Variants in IFT80 observed in about 807,000 individuals in gnomAD.
IFT80 encodes intraflagellar transport 80, also known as intraflagellar transport protein 80 homolog.
IFT80 carries 79 observed loss-of-function variants against 107.9 expected under a neutral mutation model. That is an observed-to-expected ratio of 0.73 (90% CI 0.61 to 0.88). IFT80 has a LOEUF of 0.88. Among genes scored for constraint, IFT80 ranks in the 40% least tolerant of loss-of-function variants. The pLI is 0.00. For missense variants in IFT80, 797 were observed against 914.2 expected (o/e 0.87, Z 1.65); for synonymous variants, 299 against 300.9 (o/e 0.99, Z 0.07).
intron 9 of IFT80, among the ~76,000 whole-genome samples, chr3:160,309,994 C>T (rs1053779239): frequency 2.6e-5 from 4 of 151,896 alleles, no homozygotes; most frequent in East Asian, 3.9e-4. Context: ...GTATTTTCAT[C>T]GGTCAAAAAC....
Position 160,291,376 on chromosome 3 carries a change from T to C in IFT80, c.1316-5508A>G, listed in dbSNP as rs537216108. On this transcript the variant is annotated intron_variant, in intron 12 of 19. Transcript: ENST00000326448. ...TCATAATAAAATGAAATGTATTGAG[T>C]AGGAACACATTACTGGGAAATGCAA... is the stretch of plus-strand genomic sequence containing the variant. 1.2e-4 allele frequency among the ~76,000 whole-genome samples: 18 copies of C among 152,236 alleles called. No individual in the cohort carries two copies. The South Asian group carries it at 3.5e-3, about 30-fold the overall frequency.
chr3:160,286,580 A>G (rs561800713), intron 12 of IFT80, among the ~76,000 whole-genome samples: 2 of 152,142 alleles, frequency 1.3e-5, no homozygotes, highest in African/African-American at 4.8e-5. Context: ...GAGTTTAGTT[A>G]AGGAAAACTC....
chr3:160,360,939 A>T (rs1295586876), intron 6 of IFT80, among the ~76,000 whole-genome samples: 1 of 152,200 alleles, frequency 6.6e-6, no homozygotes, highest in Admixed American at 6.5e-5. Flanking sequence ...GCTAGGAAGC[A>T]TCTATGGGCA....
Position 160,261,373 on chromosome 3 carries a change from AAGAT to A in IFT80, c.2224-2742_2224-2739del, listed in dbSNP as rs535461228. Among the ~76,000 whole-genome samples the A allele has an allele frequency of 4.1e-4, 62 of 151,776 alleles. 1 individual carries two copies. The South Asian group carries it at 7.1e-3, about 17-fold the overall frequency. On this transcript the variant is annotated intron_variant, in intron 19 of 19. Transcript: ENST00000326448. The stretch of plus-strand genomic sequence containing the variant: ...GTACAAGGATTCACCAGTGAACAAA[AAGAT>A]AGAAATCACTGTCTTCATAGAGAGA...
intron 9 of IFT80, among the ~76,000 whole-genome samples, chr3:160,317,633 G>A (rs1185858945): frequency 6.6e-6 from 1 of 151,984 alleles, no homozygotes; most frequent in African/African-American, 2.4e-5. Flanking sequence ...TTAGATCCCA[G>A]GTTAATTAGA....
intron 5 of IFT80, among the ~76,000 whole-genome samples, chr3:160,367,929 A>C (rs188475985): frequency 2.0e-5 from 3 of 152,110 alleles, no homozygotes; most frequent in African/African-American, 7.2e-5. Flanking sequence ...CCTAGTCATT[A>C]GGCAGGTGAA....
At chr3:160,368,081 G>A (rs1405663845) in intron 5 of IFT80, among the ~76,000 whole-genome samples, 1 of 151,840 alleles carries the variant, frequency 6.6e-6, no homozygotes, top group Non-Finnish European at 1.5e-5. Flanking sequence ...ATAAATGAAT[G>A]AATCATTAAG....
chr3:160,305,712 G>A (rs1002479411), intron 10 of IFT80, among the ~76,000 whole-genome samples: 1 of 151,936 alleles, frequency 6.6e-6, no homozygotes, highest in Non-Finnish European at 1.5e-5. Flanking sequence ...CTTATATATT[G>A]TTTTCTTTTT....
chr3:160,277,585 C>G lies in IFT80; in HGVS notation c.1922G>C (p.Gly641Ala), dbSNP rs758343586. The change falls in exon 17 of 20, where the codon GGT (glycine) becomes GCT (alanine). Residue 641 changes from glycine to alanine, a missense_variant. By Grantham distance (60) the Gly-to-Ala change is moderately conservative (BLOSUM62 0). Transcript: ENST00000326448. ...TTAEIAYAAIGEIDKVQYINS... is the reference protein window; with the variant it reads ...TTAEIAYAAIAEIDKVQYINS... Reference sequence around the variant, plus strand: ...ATGTAAACATTAATTACTTACTTCACCAATTGCTGCATAGGCTATTTCTGC... The same window carrying G: ...ATGTAAACATTAATTACTTACTTCAGCAATTGCTGCATAGGCTATTTCTGC... 1.9e-6 allele frequency: 3 copies of G among 1,611,492 alleles called. No homozygotes were observed. Among genetic ancestry groups the G allele is most frequent in the Admixed American group, 1.7e-5 (1 of 59,964 alleles).
intron 19 of IFT80, among the ~76,000 whole-genome samples, chr3:160,264,262 A>G (rs1253113434): frequency 1.4e-5 from 2 of 144,036 alleles, no homozygotes; most frequent in African/African-American, 5.2e-5. Flanking sequence ...GGTACATGCC[A>G]CCATGCCCAG....
intron 1 of IFT80, among the ~76,000 whole-genome samples, chr3:160,396,380 A>G (rs193089609): frequency 2.0e-5 from 3 of 152,308 alleles, no homozygotes; most frequent in Admixed American, 2.0e-4. Flanking sequence ...CTAAATATTT[A>G]CAATTACAAA....
In IFT80 at chr3:160,361,613, C is replaced by T. The variant is rs115428427; in HGVS notation, c.550-4035G>A. Among the ~76,000 whole-genome samples, 1,347 of 152,208 alleles carry T rather than the reference C, an allele frequency of 8.8e-3. 23 individuals are homozygous for T. Among genetic ancestry groups the T allele is most frequent in the African/African-American group, 0.031 (1,272 of 41,516 alleles). Reference sequence around the variant, plus strand: ...ACACCACACTTATTCCAAAATTGACCGCATAGCAGGAAGTAAAGCACTCCT... The same window carrying T: ...ACACCACACTTATTCCAAAATTGACTGCATAGCAGGAAGTAAAGCACTCCT... On this transcript the variant is annotated intron_variant, in intron 6 of 19. Coordinates refer to ENST00000326448, the MANE Select transcript of IFT80 (RefSeq NM_020800.3).
intron 9 of IFT80, among the ~76,000 whole-genome samples, chr3:160,315,069 G>GAGGGAGGGAGGA (rs1325393113): frequency 7.9e-6 from 1 of 127,178 alleles, no homozygotes. Context: ...GGGAGGGAGG[G>GAGGGAGGGAGGA]AGGGAGGGAG....
At chr3:160,303,062 T>A (rs1716558162) in intron 11 of IFT80, among the ~76,000 whole-genome samples, 1 of 152,230 alleles carries the variant, frequency 6.6e-6, no homozygotes, top group Non-Finnish European at 1.5e-5. Context: ...TCTGGTTTTC[T>A]ATTTATAAAA....
At chr3:160,384,116 G>A (rs1712741137) in intron 2 of IFT80, 2 of 211,920 alleles carry the variant, frequency 9.4e-6, no homozygotes, top group Non-Finnish European at 8.1e-6. Context: ...ATGTTGGCGG[G>A]TGCCTATAAT....
At chr3:160,278,342 T>G (rs1187742423) in intron 16 of IFT80, among the ~76,000 whole-genome samples, 1 of 152,204 alleles carries the variant, frequency 6.6e-6, no homozygotes, top group African/African-American at 2.4e-5. Context: ...ACTGGCCAGG[T>G]GGAAAGTCTA....
intron 9 of IFT80, among the ~76,000 whole-genome samples, chr3:160,313,904 G>A (rs775048568): frequency 1.8e-4 from 28 of 151,978 alleles, no homozygotes; most frequent in African/African-American, 4.1e-4. Flanking sequence ...CATCGTGCCC[G>A]GCCTCTGTGC....
chr3:160,393,064 C>T (rs1461123704), intron 1 of IFT80, among the ~76,000 whole-genome samples: 3 of 152,086 alleles, frequency 2.0e-5, no homozygotes, highest in Admixed American at 2.0e-4. Flanking sequence ...AGAGTGAGAC[C>T]CTGTCTCTAA....
chr3:160,375,800 T>A lies in IFT80; in HGVS notation c.439+12A>T. On this transcript the variant is annotated intron_variant, in intron 5 of 19. Transcript: ENST00000326448. Reference sequence around the variant, plus strand: ...AATTTGCAAAAATGAAATTGTCAATTGTAAAACATACCTTGCTGAGCTAAA... The same window carrying A: ...AATTTGCAAAAATGAAATTGTCAATAGTAAAACATACCTTGCTGAGCTAAA... 6.2e-7 allele frequency: 1 copy of A among 1,600,892 alleles called. No homozygotes were observed. The highest frequency in any genetic ancestry group is 1.1e-5 in the South Asian group (1 of 90,442).
Sources: allele counts gnomAD v4.1 joint callset (sites outside exome capture counted in the v4.1 genomes callset), GRCh38; gene constraint gnomAD v4.1.1; transcripts MANE v1.5; gene names NCBI Gene and HGNC (gene_info 2026-07-23, HGNC 2026-07-21).